Variants in MMP15 observed in about 807,000 individuals in gnomAD.
MMP15 encodes matrix metallopeptidase 15.
A neutral mutation model predicts 65.0 loss-of-function variants in MMP15; 36 were observed. The ratio of observed to expected loss-of-function variants is 0.55; its 90% CI spans 0.42 to 0.73. MMP15 has a LOEUF of 0.73. MMP15 is among the 30% of genes least tolerant of loss of function. MMP15 has a pLI of 0.00. For synonymous variants in MMP15, 428 were observed against 410.2 expected (o/e 1.04, Z -0.52); for missense variants, 870 against 987.8 (o/e 0.88, Z 1.60).
At chr16:58,034,344 C>T (rs1377916182) in intron 1 of MMP15, among the ~76,000 whole-genome samples, 1 of 152,208 alleles carries the variant, frequency 6.6e-6, no homozygotes, top group Non-Finnish European at 1.5e-5. Flanking sequence ...GCAGCAGCAC[C>T]TCTGGCCCCA....
chr16:58,043,232 A>G lies in MMP15; in HGVS notation c.1326A>G (p.Arg442=). The G allele has an allele frequency of 6.2e-7, 1 of 1,600,318 alleles. No homozygotes were observed. Among genetic ancestry groups the G allele is most frequent in the Non-Finnish European group, 8.5e-7 (1 of 1,172,674 alleles). Residue 442 remains arginine, a synonymous_variant, in exon 8 of 10, where the codon CGA becomes CGG. Transcript: ENST00000219271. The part of the protein sequence containing the change: ...FFKGDRYWLF[R]EANLEPGYPQ... ...TAGGTGACCGCTACTGGCTCTTTCG[A>G]GAAGCGAACCTGGAGCCCGGCTACC...
At chr16:58,042,496 C>A in intron 7 of MMP15, 127 bp downstream of exon 7, 1 of 1,344,864 alleles carries the variant, frequency 7.4e-7, no homozygotes. Flanking sequence ...ACTGTGGGCT[C>A]ACTCTGGGAG....
Position 58,045,375 on chromosome 16 carries a change from G to C in MMP15, c.1939G>C (p.Val647Leu), listed in dbSNP as rs1652743908. 1 of 1,593,456 alleles carries C rather than the reference G, an allele frequency of 6.3e-7. No homozygotes were observed. Among genetic ancestry groups the C allele is most frequent in the Non-Finnish European group, 8.5e-7 (1 of 1,172,378 alleles). ...LCVLGLTYAL[V>L]QMQRKGAPRV... ...CGTCCTGGGCCTCACCTACGCGCTG[G>C]TGCAGATGCAGCGCAAGGGTGCGCC... Residue 647 changes from valine (V) to leucine (L), a missense_variant, in exon 10 of 10, where the codon GTG becomes CTG. Coordinates refer to ENST00000219271, the MANE Select transcript of MMP15 (RefSeq NM_002428.4).
In MMP15 at chr16:58,045,506, A is replaced by G. The variant is rs993611100; in HGVS notation, c.*60A>G. 1.3e-5 allele frequency: 19 copies of G among 1,418,734 alleles called. 1 individual carries two copies. Among genetic ancestry groups the G allele is most frequent in the Middle Eastern group, 2.6e-4 (1 of 3,898 alleles). 87.9% of individuals were successfully genotyped at this position (1,418,734 alleles called of 1,614,324 possible). ...CGCCTGTGGTTCTGAGATGGCTCCC[A>G]GGGGCTCCCTCCGCCCCCAGGTAGG... On this transcript the variant is annotated 3_prime_UTR_variant, in exon 10 of 10. Transcript: ENST00000219271.
chr16:58,044,104 A>G (rs1483748828), intron 9 of MMP15, among the ~76,000 whole-genome samples: 1 of 152,156 alleles, frequency 6.6e-6, no homozygotes, highest in Admixed American at 6.5e-5. Context: ...TAACCAAGAG[A>G]CAGGGAGCTG....
At position 58,026,145 on chromosome 16, in the gene MMP15, C is replaced by T; in HGVS notation, c.-206C>T. The T allele has an allele frequency of 2.1e-6, 1 of 466,386 alleles. No homozygotes were observed. Among genetic ancestry groups the T allele is most frequent in the Non-Finnish European group, 3.4e-6 (1 of 292,338 alleles). 28.9% of individuals were successfully genotyped at this position (466,386 alleles called of 1,614,324 possible). A position where few individuals can be genotyped will look rare whatever the true frequency, so the allele number is the denominator to read the frequency against. On this transcript the variant is annotated 5_prime_UTR_variant, in exon 1 of 10. Transcript: ENST00000219271. ...TCCGGTCGGCCCCCTTTCCCGCCGG[C>T]TGGTTCCGAGCTCCCGGACCTGCCC... is the stretch of plus-strand genomic sequence containing the variant.
chr16:58,025,885 TG>T lies in MMP15; in HGVS notation c.-462del, dbSNP rs910702859. 6.6e-6 allele frequency: 1 copy of T among 151,538 alleles called. No individual in the cohort carries two copies. The highest frequency in any genetic ancestry group is 2.4e-5 in the African/African-American group (1 of 41,148). 9.4% of individuals were successfully genotyped at this position (151,538 alleles called of 1,614,324 possible). A position where few individuals can be genotyped will look rare whatever the true frequency, so the allele number is the denominator to read the frequency against. The stretch of plus-strand genomic sequence containing the variant: ...CCCTGCGCCTCCTCCCGGGACTGCT[TG>T]GGGACCCGGGCCCGGTCGGGCGCGG... On this transcript the variant is annotated 5_prime_UTR_variant, in exon 1 of 10. Transcript: ENST00000219271.
chr16:58,046,893 G>C lies in MMP15; in HGVS notation c.*1447G>C, dbSNP rs1597068862. ...TAATGTGCACTGAATAAATTGTACA[G>C]CCGGCAAATGTGTCCTTGTTTGTAA... On this transcript the variant is annotated 3_prime_UTR_variant, in exon 10 of 10. Transcript: ENST00000219271. The C allele has an allele frequency of 6.5e-6, 1 of 152,788 alleles. No individual in the cohort carries two copies. Among genetic ancestry groups the C allele is most frequent in the South Asian group, 2.1e-4 (1 of 4,828 alleles). 9.5% of individuals were successfully genotyped at this position (152,788 alleles called of 1,614,324 possible). A position where few individuals can be genotyped will look rare whatever the true frequency, so the allele number is the denominator to read the frequency against.
rs1963813890 is a variant in MMP15 at position 58,026,345 on chromosome 16, G to C, written c.-6G>C. ...AGTGTTCCGAGCTGGGCTGGGCGCCGAGAGCATGGGCAGCGACCCGAGCGC... is the reference window on the plus strand; with the variant it reads ...AGTGTTCCGAGCTGGGCTGGGCGCCCAGAGCATGGGCAGCGACCCGAGCGC... On this transcript the variant is annotated 5_prime_UTR_variant, in exon 1 of 10. Transcript: ENST00000219271. The C allele has an allele frequency of 7.5e-7, 1 of 1,339,752 alleles. No individual in the cohort carries two copies. 83.0% of individuals were successfully genotyped at this position (1,339,752 alleles called of 1,614,324 possible).
At chr16:58,030,336 G>A (rs1237870846) in intron 1 of MMP15, among the ~76,000 whole-genome samples, 1 of 152,156 alleles carries the variant, frequency 6.6e-6, no homozygotes, top group Non-Finnish European at 1.5e-5. Context: ...TCTGAGTGAC[G>A]GCTCAGATAG....
In MMP15 at chr16:58,042,221, C is replaced by T. The variant is rs773844239; in HGVS notation, c.1165-10C>T. On this transcript the variant is annotated splice_polypyrimidine_tract_variant and intron_variant, in intron 6 of 9. Coordinates refer to ENST00000219271, the MANE Select transcript of MMP15 (RefSeq NM_002428.4). ...GCCTGCGCTGCCCGCTCACACTATG[C>T]CCTCCCCAGGGCCGCTGGTTCTGGC... 2.5e-6 allele frequency: 4 copies of T among 1,611,380 alleles called. No individual in the cohort carries two copies. The highest frequency in any genetic ancestry group is 2.2e-5 in the South Asian group (2 of 90,756).
chr16:58,039,315 C>T (rs1325034722), intron 3 of MMP15, among the ~76,000 whole-genome samples: 1 of 152,232 alleles, frequency 6.6e-6, no homozygotes, highest in African/African-American at 2.4e-5. Flanking sequence ...GCCTGTAATC[C>T]CAGCTACTTG....
chr16:58,038,124 G>A, intron 2 of MMP15, 142 bp from the exon 3 acceptor site: 2 of 1,156,354 alleles, frequency 1.7e-6, no homozygotes, highest in African/African-American at 1.5e-5. Context: ...TTTACTGGAA[G>A]TTGAAGCTGA....
intron 1 of MMP15, among the ~76,000 whole-genome samples, chr16:58,028,831 G>A (rs1963859493): frequency 6.6e-6 from 1 of 152,222 alleles, no homozygotes; most frequent in Non-Finnish European, 1.5e-5. Context: ...CAACCTGCCA[G>A]GCCCTAGCCC....
chr16:58,031,188 G>C (rs1963886213), intron 1 of MMP15, among the ~76,000 whole-genome samples: 1 of 152,190 alleles, frequency 6.6e-6, no homozygotes, highest in Non-Finnish European at 1.5e-5. Flanking sequence ...GGCAGAGCTT[G>C]GATTTGAACC....
intron 7 of MMP15, 48 bp downstream of exon 7, chr16:58,042,417 C>G (rs745796337): frequency 1.2e-6 from 2 of 1,600,368 alleles, no homozygotes; most frequent in Non-Finnish European, 1.7e-6. Context: ...CTGCCATGAC[C>G]TCTGACCCTG....
In MMP15 at chr16:58,026,183, C is replaced by T. The variant is rs1476737844; in HGVS notation, c.-168C>T. The T allele has an allele frequency of 8.5e-6, 6 of 706,542 alleles. No individual in the cohort carries two copies. The highest frequency in any genetic ancestry group is 7.8e-6 in the Non-Finnish European group (4 of 510,748). The allele number at this position is 706,542 out of a possible 1,614,324, so 43.8% of individuals were successfully genotyped here. On this transcript the variant is annotated 5_prime_UTR_variant, in exon 1 of 10. Transcript: ENST00000219271. Reference sequence around the variant, plus strand: ...CCCGGACCTGCCCTGCCCGCTTCTCCTCGGGCTTGGGAATTTGCCGAGGCG... The same window carrying T: ...CCCGGACCTGCCCTGCCCGCTTCTCTTCGGGCTTGGGAATTTGCCGAGGCG...
Position 58,042,357 on chromosome 16 carries a change from G to T in MMP15, c.1291G>T (p.Val431Phe). The change falls in exon 7 of 10, where the codon GTC becomes TTC. Residue 431 changes from valine (V) to phenylalanine (F), a missense_variant. Physicochemically the swap from Val to Phe is conservative, Grantham distance 50. Coordinates refer to ENST00000219271, the MANE Select transcript of MMP15 (RefSeq NM_002428.4). ...AAYERQDGRF[V>F]FFKGDRYWLF... is the part of the protein sequence containing the mutation. The stretch of plus-strand genomic sequence containing the variant: ...CTACGAGCGCCAAGACGGTCGTTTT[G>T]TCTTTTTCAAAGGTGAGCAGAGGTA... 1 of 1,614,060 alleles carries T rather than the reference G, an allele frequency of 6.2e-7. No individual in the cohort carries two copies. Among genetic ancestry groups the T allele is most frequent in the Non-Finnish European group, 8.5e-7 (1 of 1,179,974 alleles).
Position 58,026,425 on chromosome 16 carries a change from G to C in MMP15, c.75G>C (p.Ala25=). 3 of 1,445,106 alleles carry C rather than the reference G, an allele frequency of 2.1e-6. No individual in the cohort carries two copies. The highest frequency in any genetic ancestry group is 2.7e-6 in the Non-Finnish European group (3 of 1,102,710). The allele number at this position is 1,445,106 out of a possible 1,614,324, so 89.5% of individuals were successfully genotyped here. A position where few individuals can be genotyped will look rare whatever the true frequency, so the allele number is the denominator to read the frequency against. ...GSLLGDREEA[A]RPRLLPLLLV... ...TCCTCGGCGACCGGGAGGAGGCGGC[G>C]CGGCCGCGACTGCTGCCGCTGCTCC... is the stretch of plus-strand genomic sequence containing the variant. Residue 25 remains alanine, a synonymous_variant, in exon 1 of 10, where the codon GCG becomes GCC. Coordinates refer to ENST00000219271, the MANE Select transcript of MMP15 (RefSeq NM_002428.4).
Sources: gnomAD v4.1 joint callset for allele counts (sites outside exome capture counted in the v4.1 genomes callset) on GRCh38, gnomAD v4.1.1 for gene constraint, MANE v1.5 for transcripts, NCBI Gene and HGNC (gene_info 2026-07-23, HGNC 2026-07-21) for gene names.